Variants in SBF2 observed in about 807,000 individuals in gnomAD.
SBF2 encodes the protein myotubularin-related protein 13.
In SBF2, 112 loss-of-function variants were observed where a neutral mutation model predicts 225.2. That is an observed-to-expected ratio of 0.50 (90% CI 0.43 to 0.58). The LOEUF (loss-of-function observed/expected upper bound fraction) is 0.58. Among genes scored for constraint, SBF2 ranks in the 20% least tolerant of loss-of-function variants. The pLI is 0.00. For synonymous variants in SBF2, 763 were observed against 773.3 expected, an observed-to-expected ratio of 0.99 and a Z score of 0.22; for missense variants, 1,996 against 2,206.2, an observed-to-expected ratio of 0.90 and a Z score of 1.91.
At chr11:10,282,645 A>G (rs1340410041) in intron 1 of SBF2, among the ~76,000 whole-genome samples, 3 of 152,074 alleles carry the variant, frequency 2.0e-5, no homozygotes, top group Non-Finnish European at 2.9e-5. Flanking sequence ...AAATTTTACT[A>G]ATCTGAACTT....
At chr11:9,935,755 T>C (rs756143476) in intron 16 of SBF2, among the ~76,000 whole-genome samples, 1 of 152,232 alleles carries the variant, frequency 6.6e-6, no homozygotes, top group Non-Finnish European at 1.5e-5. Context: ...ACTAGCCATA[T>C]GTAGAAAGCT....
At chr11:9,852,258 AAT>A (rs1336445954) in intron 21 of SBF2, among the ~76,000 whole-genome samples, 1 of 152,172 alleles carries the variant, frequency 6.6e-6, no homozygotes, top group Non-Finnish European at 1.5e-5. Flanking sequence ...CTGAATTTTT[AAT>A]AGACTTTCCA....
intron 17 of SBF2, among the ~76,000 whole-genome samples, chr11:9,876,890 C>T (rs528115856): frequency 1.4e-4 from 21 of 152,220 alleles, no homozygotes; most frequent in African/African-American, 4.8e-4. Flanking sequence ...AGGCGCCCAC[C>T]ACCATCCCCA....
rs1265987039 is a variant in SBF2, at chr11:9,858,132, A to G, written c.2100+94T>C. On this transcript the variant is annotated intron_variant, in intron 18 of 39. Transcript: ENST00000256190. ...ATAAAACCCAAATACACTGGCAGGA[A>G]GTAGCTAGAGTTTTTTTTGCCCTGG... 4 of 1,364,796 alleles carry G rather than the reference A, an allele frequency of 2.9e-6. No homozygotes were observed. The East Asian group carries it at 9.1e-5, about 31-fold the overall frequency. 84.5% of individuals were successfully genotyped at this position (1,364,796 alleles called of 1,614,324 possible).
intron 2 of SBF2, among the ~76,000 whole-genome samples, chr11:10,138,695 A>G (rs1954501948): frequency 6.6e-6 from 1 of 152,080 alleles, no homozygotes; most frequent in African/African-American, 2.4e-5. Context: ...TTGAACCACT[A>G]TTTAGAAACA....
At chr11:10,141,259 T>G (rs1224301107) in intron 2 of SBF2, among the ~76,000 whole-genome samples, 1 of 152,200 alleles carries the variant, frequency 6.6e-6, no homozygotes, top group African/African-American at 2.4e-5. Flanking sequence ...TAGAAGTCAC[T>G]ATGTACACTA....
At chr11:10,216,902 G>A (rs1485664973) in intron 1 of SBF2, among the ~76,000 whole-genome samples, 3 of 151,728 alleles carry the variant, frequency 2.0e-5, no homozygotes, top group African/African-American at 4.8e-5. Context: ...AGTAGAAAGG[G>A]ATAAAAAGTG....
chr11:9,977,955 T>C (rs2134421193), intron 13 of SBF2, among the ~76,000 whole-genome samples: 1 of 152,294 alleles, frequency 6.6e-6, no homozygotes, highest in East Asian at 1.9e-4. Context: ...AGGGCCTAGA[T>C]ACACATACCA....
At chr11:10,001,826 A>C (rs1432230614) in intron 7 of SBF2, among the ~76,000 whole-genome samples, 1 of 152,032 alleles carries the variant, frequency 6.6e-6, no homozygotes, top group Non-Finnish European at 1.5e-5. Context: ...GCGCCTGGCC[A>C]AAAAAATTTT....
intron 14 of SBF2, among the ~76,000 whole-genome samples, chr11:9,967,992 A>AAT (rs1281378637): frequency 7.6e-6 from 1 of 131,938 alleles, no homozygotes; most frequent in Non-Finnish European, 1.6e-5. Flanking sequence ...TATATATATA[A>AAT]AATATATATA....
At position 9,932,957 on chromosome 11, in the gene SBF2, C is replaced by CAAAAAAAAA. The variant is rs574177096; in HGVS notation, c.1860+28991_1860+28999dup. Among the ~76,000 whole-genome samples the CAAAAAAAAA allele has an allele frequency of 1.2e-4, 7 of 58,772 alleles. 1 individual carries two copies. Among genetic ancestry groups the CAAAAAAAAA allele is most frequent in the African/African-American group, 1.1e-4 (1 of 9,172 alleles). 38.6% of individuals were successfully genotyped at this position (58,772 alleles called of 152,430 possible). On this transcript the variant is annotated intron_variant, in intron 16 of 39. Transcript: ENST00000256190. ...GGAGATCTACCAAGCAAACGAAAAG[C>CAAAAAAAAA]AAAAAAAAAAAAAAAAAAAAAAAAA...
At chr11:10,295,280 A>G (rs1238251724), upstream of SBF2, among the ~76,000 whole-genome samples, 1 of 152,230 alleles carries the variant, frequency 6.6e-6, no homozygotes, top group African/African-American at 2.4e-5. Context: ...GGTGCCTACA[A>G]AATATTTTAA....
chr11:10,191,353 A>G (rs1319236810), intron 2 of SBF2, among the ~76,000 whole-genome samples: 13 of 152,184 alleles, frequency 8.5e-5, no homozygotes, highest in Admixed American at 8.5e-4. Context: ...CAGAATATTC[A>G]CACTCTCTAA....
At chr11:9,916,490 G>A (rs1471225801) in intron 16 of SBF2, among the ~76,000 whole-genome samples, 3 of 151,974 alleles carry the variant, frequency 2.0e-5, no homozygotes, top group African/African-American at 7.2e-5. Flanking sequence ...TTCACACTCG[G>A]TGAAATGTGA....
intron 3 of SBF2, among the ~76,000 whole-genome samples, chr11:10,037,362 T>C (rs527670350): frequency 3.9e-5 from 6 of 152,278 alleles, no homozygotes; most frequent in Admixed American, 3.9e-4. Context: ...AGTCTAGTCT[T>C]GTTGAATAAG....
intron 2 of SBF2, among the ~76,000 whole-genome samples, chr11:10,168,733 CTCT>C (rs764199110): frequency 1.7e-4 from 26 of 152,332 alleles, no homozygotes; most frequent in Non-Finnish European, 3.1e-4. Flanking sequence ...AAGGACATGT[CTCT>C]TCTTCTGCTT....
chr11:9,982,006 T>C (rs2134435810), intron 13 of SBF2, among the ~76,000 whole-genome samples: 1 of 152,378 alleles, frequency 6.6e-6, no homozygotes, highest in East Asian at 1.9e-4. Flanking sequence ...CATTTTTCCA[T>C]ATGAATATAA....
chr11:9,870,110 A>T (rs1858601796), intron 17 of SBF2, among the ~76,000 whole-genome samples: 1 of 152,174 alleles, frequency 6.6e-6, no homozygotes, highest in South Asian at 2.1e-4. Context: ...CACAATTGCT[A>T]TAAAAACAGT....
chr11:10,265,754 T>C (rs533281257), intron 1 of SBF2, among the ~76,000 whole-genome samples: 2 of 152,244 alleles, frequency 1.3e-5, no homozygotes, highest in African/African-American at 2.4e-5. Context: ...GGTGCAATCA[T>C]GGCTCACCAC....
Sources: allele counts gnomAD v4.1 joint callset (sites outside exome capture counted in the v4.1 genomes callset), GRCh38; gene constraint gnomAD v4.1.1; transcripts MANE v1.5; gene names NCBI Gene and HGNC (gene_info 2026-07-23, HGNC 2026-07-21).